SPTBN1: variants seen among roughly 807,000 people sequenced by gnomAD.
SPTBN1 encodes the protein spectrin beta, non-erythrocytic 1.
SPTBN1 carries 32 observed loss-of-function variants against 266.4 expected under a neutral mutation model. That is an observed-to-expected ratio of 0.12 (90% CI 0.09 to 0.16). The LOEUF is 0.16. Among genes scored for constraint, SPTBN1 ranks in the 10% least tolerant of loss-of-function variants. SPTBN1 has a pLI of 1.00. For missense variants in SPTBN1, 2,296 were observed against 3,067.1 expected (o/e 0.75, Z 5.94); for synonymous variants, 1,336 against 1,162.2 (o/e 1.15, Z -3.04).
intron 3 of SPTBN1, among the ~76,000 whole-genome samples, chr2:54,610,107 G>C (rs559843073): frequency 8.2e-6 from 1 of 121,614 alleles, no homozygotes; most frequent in Non-Finnish European, 1.8e-5. Flanking sequence ...ATGGTGCCTG[G>C]GAACTCATCT....
intron 1 of SPTBN1, among the ~76,000 whole-genome samples, chr2:54,471,103 A>G (rs537333174): frequency 6.6e-6 from 1 of 152,198 alleles, no homozygotes; most frequent in South Asian, 2.1e-4. Context: ...AAATGTAGGG[A>G]TTAGGTGGGG....
In SPTBN1 at chr2:54,520,552, C is replaced by G. The variant is rs556769358; in HGVS notation, c.-47-5820C>G. 4 of 152,176 alleles carry G rather than the reference C, an allele frequency of 2.6e-5. No homozygotes were observed. In the East Asian group the frequency reaches 7.7e-4, roughly 29 times the overall value. The allele number at this position is 152,176 out of a possible 1,614,324, so 9.4% of individuals were successfully genotyped here. On this transcript the variant is annotated intron_variant, in intron 1 of 35. Transcript: ENST00000356805. ...ATTTCTGTGCATCTTATGGAAAATT[C>G]CAGTTCATAGGATGTAGGATTAGAG... is the stretch of plus-strand genomic sequence containing the variant.
intron 1 of SPTBN1, among the ~76,000 whole-genome samples, chr2:54,521,348 G>A (rs757328722): frequency 1.2e-4 from 19 of 152,178 alleles, no homozygotes; most frequent in East Asian, 3.8e-4. Flanking sequence ...ATGTTTTGCC[G>A]TGAAATTGCC....
chr2:54,634,329 C>T (rs1399360950), intron 17 of SPTBN1, among the ~76,000 whole-genome samples: 1 of 152,210 alleles, frequency 6.6e-6, no homozygotes, highest in Admixed American at 6.5e-5. Context: ...AGCAGCAGCC[C>T]TCAGTTGTGG....
At chr2:54,484,839 T>A (rs1558767063) in intron 1 of SPTBN1, among the ~76,000 whole-genome samples, 1 of 152,136 alleles carries the variant, frequency 6.6e-6, no homozygotes, top group Non-Finnish European at 1.5e-5. Context: ...AGAATACGTT[T>A]AGCTTCAAAA....
intron 2 of SPTBN1, among the ~76,000 whole-genome samples, chr2:54,571,210 C>T (rs58143357): frequency 6.6e-5 from 10 of 151,878 alleles, no homozygotes; most frequent in Non-Finnish European, 1.3e-4. Flanking sequence ...GGCTGTGGGA[C>T]GTTTTCTCTC....
intron 1 of SPTBN1, among the ~76,000 whole-genome samples, chr2:54,472,020 A>ATTTTTTTT (rs1420661034): frequency 3.5e-4 from 17 of 48,490 alleles, no homozygotes; most frequent in African/African-American, 8.7e-4. Flanking sequence ...GGCCCTGAAG[A>ATTTTTTTT]TGTTTTTTTT....
chr2:54,474,250 A>G (rs117626165), intron 1 of SPTBN1, among the ~76,000 whole-genome samples: 1 of 152,336 alleles, frequency 6.6e-6, no homozygotes, highest in East Asian at 1.9e-4. Context: ...GCCTATAAAG[A>G]TGTCTATTGT....
At chr2:54,571,600 C>CACATATATAT (rs138829359) in intron 2 of SPTBN1, among the ~76,000 whole-genome samples, 1 of 149,916 alleles carries the variant, frequency 6.7e-6, no homozygotes, top group African/African-American at 2.5e-5. Flanking sequence ...CACACACACA[C>CACATATATAT]ATATCTATAA....
intron 1 of SPTBN1, among the ~76,000 whole-genome samples, chr2:54,522,685 GA>G (rs1670538628): frequency 8.2e-6 from 1 of 121,476 alleles, no homozygotes; most frequent in Non-Finnish European, 1.8e-5. Context: ...AGAGGAGAGA[GA>G]GAGAGAGAGA....
intron 2 of SPTBN1, among the ~76,000 whole-genome samples, chr2:54,530,951 GTTAGAGAAT>G (rs1485476584): frequency 6.6e-6 from 1 of 152,146 alleles, no homozygotes; most frequent in Non-Finnish European, 1.5e-5. Context: ...AGACTGAGCA[GTTAGAGAAT>G]TGGAACTTTC....
At chr2:54,478,937 C>G (rs527820942) in intron 1 of SPTBN1, among the ~76,000 whole-genome samples, 4 of 151,896 alleles carry the variant, frequency 2.6e-5, no homozygotes, top group Admixed American at 2.0e-4. Context: ...TGTTTTATTA[C>G]TAGGGAAAGG....
intron 7 of SPTBN1, among the ~76,000 whole-genome samples, chr2:54,620,809 C>T (rs1050997009): frequency 2.0e-5 from 3 of 152,112 alleles, no homozygotes; most frequent in Non-Finnish European, 4.4e-5. Context: ...AGGACTGAAG[C>T]GCTTATAGTT....
intron 2 of SPTBN1, among the ~76,000 whole-genome samples, chr2:54,581,338 A>T (rs553376066): frequency 8.5e-4 from 130 of 152,150 alleles, no homozygotes; most frequent in Admixed American, 1.6e-3. Context: ...GGAGGAGGGG[A>T]TGCTCTAAAT....
chr2:54,483,924 G>T (rs566621990), intron 1 of SPTBN1, among the ~76,000 whole-genome samples: 4 of 152,172 alleles, frequency 2.6e-5, no homozygotes, highest in African/African-American at 9.7e-5. Flanking sequence ...GCTGGGCATG[G>T]TAGCTCATGC....
chr2:54,644,270 T>C (rs986302104), intron 19 of SPTBN1, 53 bp from the exon 20 acceptor site: 1 of 1,571,808 alleles, frequency 6.4e-7, no homozygotes, highest in Non-Finnish European at 8.7e-7. Context: ...CACAGTGACA[T>C]TTTTTCTGTA....
At chr2:54,589,195 A>G (rs1437610005) in intron 2 of SPTBN1, among the ~76,000 whole-genome samples, 2 of 152,108 alleles carry the variant, frequency 1.3e-5, no homozygotes, top group African/African-American at 4.8e-5. Context: ...TTTGCCTCTT[A>G]TTTTCGGAGA....
rs947735233 is a variant in SPTBN1 at position 54,626,930 on chromosome 2, A to G, written c.1644+696A>G. ...TCATGCCATGGCCCTGTACCTGTTC[A>G]TGTCCTCCAATGCAGGCCATGGAAT... is the stretch of plus-strand genomic sequence containing the variant. On this transcript the variant is annotated intron_variant, in intron 12 of 35. Coordinates refer to ENST00000356805, the MANE Select transcript of SPTBN1 (RefSeq NM_003128.3). This position sits in a 1 kb window ranked among gnomAD's most constrained non-coding sequence, Gnocchi z 4.7. Among the ~76,000 whole-genome samples the G allele has an allele frequency of 1.3e-5, 2 of 152,114 alleles. No individual in the cohort carries two copies. The highest frequency in any genetic ancestry group is 4.8e-5 in the African/African-American group (2 of 41,420).
At chr2:54,590,671 G>A (rs528847810) in intron 2 of SPTBN1, among the ~76,000 whole-genome samples, 38 of 152,358 alleles carry the variant, frequency 2.5e-4, no homozygotes, top group African/African-American at 8.9e-4. Context: ...TAGGTTAGAA[G>A]AATGATAGAA....
Sources: allele counts gnomAD v4.1 joint callset (sites outside exome capture counted in the v4.1 genomes callset), GRCh38; gene constraint gnomAD v4.1.1; non-coding constraint Gnocchi (gnomAD v3.1); transcripts MANE v1.5; gene names NCBI Gene and HGNC (gene_info 2026-07-23, HGNC 2026-07-21).